DIAPH3: variants seen among roughly 807,000 people sequenced by gnomAD.
The protein encoded by DIAPH3 is protein diaphanous homolog 3.
A neutral mutation model predicts 144.3 loss-of-function variants in DIAPH3; 117 were observed. The observed-to-expected ratio is 0.81, with a 90% CI of 0.70 to 0.95. The LOEUF (loss-of-function observed/expected upper bound fraction) is 0.95. Ranked by LOEUF, DIAPH3 falls within the 40% of genes least tolerant of loss-of-function variation. The probability of loss-of-function intolerance (pLI) is 0.00; values close to 1 mark genes in which losing one functional copy is unlikely to be tolerated. For missense variants in DIAPH3, 1,421 were observed against 1,412.7 expected (o/e 1.01, Z -0.09); for synonymous variants, 519 against 488.9 (o/e 1.06, Z -0.81).
chr13:59,743,710 T>C (rs985161435), intron 27 of DIAPH3, among the ~76,000 whole-genome samples: 6 of 152,318 alleles, frequency 3.9e-5, no homozygotes, highest in African/African-American at 7.2e-5. Flanking sequence ...TTCAGAGTTA[T>C]ATGGGATGCT....
chr13:59,843,829 C>T (rs1237699271), intron 22 of DIAPH3, among the ~76,000 whole-genome samples: 1 of 152,094 alleles, frequency 6.6e-6, no homozygotes, highest in Admixed American at 6.6e-5. Context: ...AAAATGTATG[C>T]CATCTGATGG....
At chr13:59,922,975 CCTATA>C (rs2047587599) in intron 18 of DIAPH3, among the ~76,000 whole-genome samples, 1 of 152,060 alleles carries the variant, frequency 6.6e-6, no homozygotes, top group Non-Finnish European at 1.5e-5. Flanking sequence ...AGATTCCCTA[CCTATA>C]CTGTTAATGC....
At position 60,067,955 on chromosome 13, in the gene DIAPH3, T is replaced by C. The variant is rs1166853944; in HGVS notation, c.496-25135A>G. Among the ~76,000 whole-genome samples the C allele has an allele frequency of 4.6e-5, 7 of 152,298 alleles. No homozygotes were observed. The South Asian group carries it at 1.4e-3, about 32-fold the overall frequency. On this transcript the variant is annotated intron_variant, in intron 4 of 27. Transcript: ENST00000400324. ...CATATACACATAGAGAATAATTCCA[T>C]TATTTCTTAATAGAATCATCTTATA...
chr13:59,930,711 G>C (rs2047979966), intron 17 of DIAPH3, among the ~76,000 whole-genome samples: 1 of 152,158 alleles, frequency 6.6e-6, no homozygotes. Flanking sequence ...GAAGATTTAA[G>C]CACATGAGAC....
At chr13:59,668,472 A>C (rs2032154447) in intron 27 of DIAPH3, among the ~76,000 whole-genome samples, 1 of 152,204 alleles carries the variant, frequency 6.6e-6, no homozygotes, top group Admixed American at 6.5e-5. Context: ...GGCAAAGAAG[A>C]GATTAAATTA....
At chr13:59,715,728 A>G (rs2035015690) in intron 27 of DIAPH3, among the ~76,000 whole-genome samples, 1 of 152,220 alleles carries the variant, frequency 6.6e-6, no homozygotes, top group African/African-American at 2.4e-5. Flanking sequence ...TGACCTGGTG[A>G]CACAAGACCA....
intron 24 of DIAPH3, among the ~76,000 whole-genome samples, chr13:59,820,516 T>A (rs2041013390): frequency 6.6e-6 from 1 of 151,918 alleles, no homozygotes; most frequent in Non-Finnish European, 1.5e-5. Flanking sequence ...TACTTTCACT[T>A]GAAATTAGAT....
At chr13:59,955,082 A>ATATATATATACATGTATATATATACATG (rs1181331920) in intron 17 of DIAPH3, among the ~76,000 whole-genome samples, 4 of 12,632 alleles carry the variant, frequency 3.2e-4, no homozygotes, top group Non-Finnish European at 6.2e-4. Flanking sequence ...ATATACATGT[A>ATATATATATACATGTATATATATACATG]TATATATATA....
intron 4 of DIAPH3, among the ~76,000 whole-genome samples, chr13:60,075,862 G>A (rs184249172): frequency 1.3e-5 from 2 of 152,342 alleles, no homozygotes; most frequent in East Asian, 1.9e-4. Flanking sequence ...TCCAGATGTA[G>A]CTGATATCCA....
rs565157753 is a variant in DIAPH3, at chr13:60,101,449, G to A, written c.391-7717C>T. Among the ~76,000 whole-genome samples the A allele has an allele frequency of 3.4e-4, 51 of 151,920 alleles. No individual in the cohort carries two copies. The East Asian group carries it at 3.9e-3, about 12-fold the overall frequency. Reference sequence around the variant, plus strand: ...GCAAGCTTGTCCAGATTGCACCCAGGACGGTTCTGAATGTGGCCCAACATA... The same window carrying A: ...GCAAGCTTGTCCAGATTGCACCCAGAACGGTTCTGAATGTGGCCCAACATA... On this transcript the variant is annotated intron_variant, in intron 3 of 27. Coordinates refer to ENST00000400324, the MANE Select transcript of DIAPH3 (RefSeq NM_001042517.2).
At chr13:60,150,512 T>A (rs1951731941) in intron 1 of DIAPH3, among the ~76,000 whole-genome samples, 1 of 152,168 alleles carries the variant, frequency 6.6e-6, no homozygotes, top group Non-Finnish European at 1.5e-5. Flanking sequence ...CCCCCTCATG[T>A]GCAAAATAAC....
At chr13:59,718,854 G>T (rs1439166689) in intron 27 of DIAPH3, among the ~76,000 whole-genome samples, 2 of 151,772 alleles carry the variant, frequency 1.3e-5, no homozygotes, top group African/African-American at 4.8e-5. Flanking sequence ...TTTTATTAAG[G>T]CTTTTGAGAG....
intron 27 of DIAPH3, among the ~76,000 whole-genome samples, chr13:59,721,331 C>T (rs188903356): frequency 3.0e-4 from 45 of 152,106 alleles, no homozygotes; most frequent in African/African-American, 8.4e-4. Flanking sequence ...CTTAATTTGT[C>T]GGTTTCATTT....
At chr13:60,017,054 TTATA>T (rs781610897) in intron 5 of DIAPH3, among the ~76,000 whole-genome samples, 3 of 152,230 alleles carry the variant, frequency 2.0e-5, no homozygotes, top group Non-Finnish European at 4.4e-5. Context: ...ATGCCTGTAC[TTATA>T]TATGTGATTT....
chr13:60,153,013 G>A (rs1444590281), intron 1 of DIAPH3, among the ~76,000 whole-genome samples: 1 of 152,048 alleles, frequency 6.6e-6, no homozygotes, highest in Admixed American at 6.6e-5. Context: ...TTAAACATTA[G>A]AACTAAAGTA....
intron 9 of DIAPH3, among the ~76,000 whole-genome samples, chr13:60,002,022 A>T (rs1173350660): frequency 6.6e-6 from 1 of 152,220 alleles, no homozygotes; most frequent in East Asian, 1.9e-4. Flanking sequence ...GAATTGTCCT[A>T]GACTTCTTTG....
At chr13:59,886,462 T>C (rs938270666) in intron 20 of DIAPH3, among the ~76,000 whole-genome samples, 2 of 152,126 alleles carry the variant, frequency 1.3e-5, no homozygotes, top group African/African-American at 2.4e-5. Flanking sequence ...TTGCATACCA[T>C]ATGAATTTTA....
chr13:59,880,891 TAAG>T lies in DIAPH3; in HGVS notation c.2368-1426_2368-1424del, dbSNP rs2044977381. ...AGGGCTCAATTAATGTAGTTATTAATAAGAAGTCTACTTTACAAGGCACTTTAA... is the reference window on the plus strand; with the variant it reads ...AGGGCTCAATTAATGTAGTTATTAATAAGTCTACTTTACAAGGCACTTTAA... On this transcript the variant is annotated intron_variant, in intron 20 of 27. Transcript: ENST00000400324. Among the ~76,000 whole-genome samples the T allele has an allele frequency of 4.9e-5, 7 of 143,188 alleles. No individual in the cohort carries two copies. In the South Asian group the frequency reaches 1.5e-3, roughly 31 times the overall value. The allele number at this position is 143,188 out of a possible 152,430, so 93.9% of individuals were successfully genotyped here. A position where few individuals can be genotyped will look rare whatever the true frequency, so the allele number is the denominator to read the frequency against.
At chr13:59,773,169 G>A (rs1478172913) in intron 27 of DIAPH3, among the ~76,000 whole-genome samples, 1 of 152,024 alleles carries the variant, frequency 6.6e-6, no homozygotes, top group East Asian at 1.9e-4. Flanking sequence ...CAACAAAAAA[G>A]ACCTATTTAA....
Sources: allele counts gnomAD v4.1 joint callset (sites outside exome capture counted in the v4.1 genomes callset), GRCh38; gene constraint gnomAD v4.1.1; transcripts MANE v1.5; gene names NCBI Gene and HGNC (gene_info 2026-07-23, HGNC 2026-07-21).